The following MAGI1 variants were observed in gnomAD, a reference collection of about 807,000 sequenced individuals.
MAGI1 encodes membrane-associated guanylate kinase, WW and PDZ domain-containing protein 1.
Under a neutral mutation model 139.9 loss-of-function variants are expected in MAGI1, and 58 were observed. The observed-to-expected ratio is 0.41, with a 90% confidence interval of 0.34 to 0.52. The LOEUF (loss-of-function observed/expected upper bound fraction) is 0.52. MAGI1 is among the 20% of genes least tolerant of loss of function. The probability of loss-of-function intolerance (pLI) is 0.12; values close to 1 mark genes in which losing one functional copy is unlikely to be tolerated. For synonymous variants in MAGI1, 812 were observed against 737.9 expected, an observed-to-expected ratio of 1.10 and a Z score of -1.63; for missense variants, 1,874 against 1,901.6, an observed-to-expected ratio of 0.99 and a Z score of 0.27.
At chr3:65,673,510 T>A (rs1377858887) in intron 1 of MAGI1, among the ~76,000 whole-genome samples, 1 of 152,208 alleles carries the variant, frequency 6.6e-6, no homozygotes, top group Non-Finnish European at 1.5e-5. Context: ...TTACCTTGGA[T>A]ACCTACATCC....
chr3:65,984,616 G>A (rs904512577), intron 1 of MAGI1, among the ~76,000 whole-genome samples: 1 of 149,896 alleles, frequency 6.7e-6, no homozygotes, highest in African/African-American at 2.5e-5. Flanking sequence ...TGCAGCTTCA[G>A]CCTCCCCAGC....
chr3:65,401,677 A>G (rs1412923705), intron 12 of MAGI1: 26 of 1,544,138 alleles, frequency 1.7e-5, no homozygotes, highest in Non-Finnish European at 2.1e-5. Flanking sequence ...CAGGAGATCT[A>G]TCTGCATTAG....
chr3:65,566,310 C>T (rs1354551075), intron 2 of MAGI1, among the ~76,000 whole-genome samples: 5 of 152,056 alleles, frequency 3.3e-5, no homozygotes, highest in Non-Finnish European at 1.5e-5. Flanking sequence ...AATATAGGCA[C>T]ATGTCACTTA....
chr3:65,614,525 A>G (rs143315903), intron 2 of MAGI1, among the ~76,000 whole-genome samples: 44 of 152,272 alleles, frequency 2.9e-4, no homozygotes, highest in African/African-American at 1.0e-3. Context: ...AGAGTTCCTG[A>G]CACATTGGGC....
chr3:65,365,150 T>C (rs1430605187), intron 18 of MAGI1: 3 of 742,296 alleles, frequency 4.0e-6, no homozygotes, highest in African/African-American at 1.7e-5. Flanking sequence ...TATGTCCCCA[T>C]GACCCTCCTC....
intron 1 of MAGI1, among the ~76,000 whole-genome samples, chr3:65,634,771 G>A (rs546327139): frequency 1.8e-4 from 28 of 152,244 alleles, no homozygotes; most frequent in Non-Finnish European, 3.5e-4. Flanking sequence ...TCAGCTAAGG[G>A]AATGTTGACT....
At chr3:65,667,951 C>T (rs773542824) in intron 1 of MAGI1, among the ~76,000 whole-genome samples, 1 of 152,128 alleles carries the variant, frequency 6.6e-6, no homozygotes, top group Non-Finnish European at 1.5e-5. Flanking sequence ...AGTATAGCTA[C>T]GTACTAAGAG....
intron 1 of MAGI1, among the ~76,000 whole-genome samples, chr3:65,693,849 A>T (rs915951713): frequency 6.6e-6 from 1 of 151,978 alleles, no homozygotes; most frequent in Admixed American, 6.6e-5. Context: ...TCAGCCCCCG[A>T]GCAGCTGGGA....
At chr3:65,630,067 T>A (rs2084204775) in intron 1 of MAGI1, among the ~76,000 whole-genome samples, 1 of 152,226 alleles carries the variant, frequency 6.6e-6, no homozygotes, top group Non-Finnish European at 1.5e-5. Context: ...AATATTTTGG[T>A]ACAGTGTCCT....
intron 18 of MAGI1, among the ~76,000 whole-genome samples, chr3:65,366,296 T>C (rs376729277): frequency 7.0e-4 from 107 of 152,346 alleles, no homozygotes; most frequent in African/African-American, 2.5e-3. Context: ...AGTCGAAATA[T>C]GATTTCAACA....
At chr3:66,007,493 C>G (rs1251275535) in intron 1 of MAGI1, among the ~76,000 whole-genome samples, 4 of 152,204 alleles carry the variant, frequency 2.6e-5, no homozygotes, top group Non-Finnish European at 1.5e-5. Context: ...CACAGTCCAA[C>G]TCTAGTGAGG....
chr3:65,748,538 G>A (rs1365475884), intron 1 of MAGI1, among the ~76,000 whole-genome samples: 2 of 152,204 alleles, frequency 1.3e-5, no homozygotes, highest in Non-Finnish European at 2.9e-5. Flanking sequence ...TGCAGCTGCC[G>A]CTTTGTATTG....
intron 1 of MAGI1, among the ~76,000 whole-genome samples, chr3:65,961,769 G>A (rs2064437355): frequency 6.6e-6 from 1 of 152,136 alleles, no homozygotes; most frequent in Non-Finnish European, 1.5e-5. Context: ...CACGTTTCAA[G>A]AAACAAACTT....
chr3:65,403,445 T>C (rs183367167), intron 12 of MAGI1, among the ~76,000 whole-genome samples: 1 of 152,222 alleles, frequency 6.6e-6, no homozygotes, highest in Non-Finnish European at 1.5e-5. Context: ...AAGTGCTTTT[T>C]TTGGCTTATT....
intron 18 of MAGI1, among the ~76,000 whole-genome samples, chr3:65,369,089 A>T (rs1941728987): frequency 6.6e-6 from 1 of 152,096 alleles, no homozygotes; most frequent in Admixed American, 6.5e-5. Context: ...TTATTCATTC[A>T]TCCCTTGCCC....
intron 1 of MAGI1, among the ~76,000 whole-genome samples, chr3:65,915,205 T>C (rs2061843779): frequency 6.6e-6 from 1 of 152,214 alleles, no homozygotes; most frequent in African/African-American, 2.4e-5. Context: ...CATCTCATGG[T>C]AATGCTCAGA....
intron 2 of MAGI1, among the ~76,000 whole-genome samples, chr3:65,587,726 C>A (rs2081759578): frequency 6.6e-6 from 1 of 152,034 alleles, no homozygotes; most frequent in Admixed American, 6.5e-5. Context: ...AAGCAATCCA[C>A]CCGCCTTGGT....
At chr3:65,516,718 C>CTTTT (rs71102867) in intron 2 of MAGI1, among the ~76,000 whole-genome samples, 10,605 of 66,918 alleles carry the variant, frequency 0.16, 2,514 homozygotes, top group East Asian at 0.41. Context: ...CATCCCACCT[C>CTTTT]TTTTTTTTTT....
chr3:65,807,263 C>T (rs1461476132), intron 1 of MAGI1, among the ~76,000 whole-genome samples: 2 of 152,182 alleles, frequency 1.3e-5, no homozygotes, highest in African/African-American at 4.8e-5. Flanking sequence ...TCAAGATCAA[C>T]ATTCCAGCAG....
Sources: gnomAD v4.1 joint callset for allele counts (sites outside exome capture counted in the v4.1 genomes callset) on GRCh38, gnomAD v4.1.1 for gene constraint, MANE v1.5 for transcripts, NCBI Gene and HGNC (gene_info 2026-07-23, HGNC 2026-07-21) for gene names.